The following CPED1 variants were observed in gnomAD, a reference collection of about 807,000 sequenced individuals.
The protein encoded by CPED1 is cadherin-like and PC-esterase domain-containing protein 1.
In CPED1, 114 loss-of-function variants were observed where a neutral mutation model predicts 128.2. The observed-to-expected ratio is 0.89, with a 90% CI of 0.76 to 1.04. CPED1 has a LOEUF of 1.04. Ranked by LOEUF, CPED1 falls within the 50% of genes least tolerant of loss-of-function variation. CPED1 has a pLI of 0.00. For synonymous variants in CPED1, 462 were observed against 426.7 expected (o/e 1.08, Z -1.02); for missense variants, 1,211 against 1,207.1 (o/e 1.00, Z -0.05).
chr7:121,014,403 T>C (rs1019071809), intron 2 of CPED1, among the ~76,000 whole-genome samples: 6 of 152,004 alleles, frequency 3.9e-5, no homozygotes, highest in African/African-American at 1.4e-4. Flanking sequence ...ATACAAAAAT[T>C]AGCCAGGCGT....
At chr7:121,275,658 A>G (rs1439119070) in intron 22 of CPED1, among the ~76,000 whole-genome samples, 3 of 152,170 alleles carry the variant, frequency 2.0e-5, no homozygotes, top group East Asian at 1.9e-4. Flanking sequence ...CTCAGTCAAC[A>G]AAAACCATCT....
chr7:121,172,256 A>C (rs1464385480), intron 16 of CPED1, among the ~76,000 whole-genome samples: 1 of 152,206 alleles, frequency 6.6e-6, no homozygotes, highest in Non-Finnish European at 1.5e-5. Context: ...TATTTATAGT[A>C]TTACAGATAA....
intron 16 of CPED1, among the ~76,000 whole-genome samples, chr7:121,229,342 TATATG>T (rs1333656059): frequency 2.6e-5 from 4 of 152,090 alleles, no homozygotes; most frequent in African/African-American, 9.6e-5. Flanking sequence ...AGTTATGCTC[TATATG>T]ATATATTTTC....
intron 7 of CPED1, among the ~76,000 whole-genome samples, chr7:121,111,467 T>C (rs920696939): frequency 6.6e-6 from 1 of 152,062 alleles, no homozygotes; most frequent in Non-Finnish European, 1.5e-5. Flanking sequence ...CACCATAAAA[T>C]TGGGTTATTT....
At chr7:121,150,604 T>G (rs1258375035) in intron 16 of CPED1, among the ~76,000 whole-genome samples, 2 of 152,166 alleles carry the variant, frequency 1.3e-5, no homozygotes, top group Admixed American at 6.5e-5. Context: ...AATTTTGTTT[T>G]AAGGTCTTTG....
At chr7:121,071,098 C>G (rs1793977856) in intron 5 of CPED1, among the ~76,000 whole-genome samples, 1 of 152,088 alleles carries the variant, frequency 6.6e-6, no homozygotes, top group South Asian at 2.1e-4. Flanking sequence ...GGCCTGCCAT[C>G]TAATGTAGAG....
intron 16 of CPED1, among the ~76,000 whole-genome samples, chr7:121,212,859 T>C (rs1484160112): frequency 1.3e-5 from 2 of 152,072 alleles, no homozygotes; most frequent in East Asian, 3.9e-4. Flanking sequence ...CCATGGGAAT[T>C]TATTTTAAAT....
intron 5 of CPED1, among the ~76,000 whole-genome samples, chr7:121,092,431 A>AT (rs1794596362): frequency 6.6e-6 from 1 of 152,194 alleles, no homozygotes; most frequent in Non-Finnish European, 1.5e-5. Flanking sequence ...CTGAGATCCT[A>AT]TATTAAGTGC....
intron 4 of CPED1, among the ~76,000 whole-genome samples, chr7:121,048,319 G>T (rs1563005387): frequency 6.6e-6 from 1 of 152,130 alleles, no homozygotes; most frequent in East Asian, 1.9e-4. Context: ...ATTCTCTCCT[G>T]CTCTTGTGTT....
At chr7:121,081,064 C>G (rs887813550) in intron 5 of CPED1, among the ~76,000 whole-genome samples, 3 of 152,112 alleles carry the variant, frequency 2.0e-5, no homozygotes, top group African/African-American at 7.2e-5. Context: ...TAACATGTTA[C>G]TCATGGAAAG....
At chr7:121,143,601 A>T (rs746209896) in intron 16 of CPED1, among the ~76,000 whole-genome samples, 4 of 152,018 alleles carry the variant, frequency 2.6e-5, no homozygotes, top group Non-Finnish European at 5.9e-5. Flanking sequence ...AAAAAAATAA[A>T]CAAAAACTTA....
chr7:121,072,787 G>A (rs1297588419), intron 5 of CPED1, among the ~76,000 whole-genome samples: 1 of 152,130 alleles, frequency 6.6e-6, no homozygotes, highest in Non-Finnish European at 1.5e-5. Context: ...ATGAAAATGA[G>A]TATCCCAACC....
At chr7:121,055,975 C>A (rs1402074188) in intron 4 of CPED1, among the ~76,000 whole-genome samples, 1 of 151,838 alleles carries the variant, frequency 6.6e-6, no homozygotes, top group Non-Finnish European at 1.5e-5. Context: ...GAGGATTGAA[C>A]AATTATTATG....
chr7:121,067,225 T>C (rs1793853361), intron 5 of CPED1, among the ~76,000 whole-genome samples: 1 of 152,128 alleles, frequency 6.6e-6, no homozygotes, highest in Non-Finnish European at 1.5e-5. Flanking sequence ...TAGCTCGTCA[T>C]TTAACATTAG....
intron 16 of CPED1, among the ~76,000 whole-genome samples, chr7:121,149,910 G>T (rs1014043648): frequency 2.6e-5 from 4 of 151,982 alleles, no homozygotes; most frequent in African/African-American, 9.7e-5. Flanking sequence ...GGCTTTAATT[G>T]CTCCAAAATT....
At chr7:121,209,364 G>A (rs1258141369) in intron 16 of CPED1, among the ~76,000 whole-genome samples, 1 of 151,866 alleles carries the variant, frequency 6.6e-6, no homozygotes, top group Non-Finnish European at 1.5e-5. Flanking sequence ...GTCTCCTCAG[G>A]AAATTAAAAT....
At chr7:121,072,509 C>T (rs1253494111) in intron 5 of CPED1, among the ~76,000 whole-genome samples, 4 of 151,928 alleles carry the variant, frequency 2.6e-5, no homozygotes, top group Non-Finnish European at 5.9e-5. Context: ...TTTTTCAATT[C>T]AGTATGGGTA....
chr7:121,152,928 G>A (rs1280632557), intron 16 of CPED1, among the ~76,000 whole-genome samples: 3 of 152,102 alleles, frequency 2.0e-5, no homozygotes, highest in Admixed American at 1.3e-4. Flanking sequence ...CCTTAAACAT[G>A]TATTTTAATT....
At chr7:121,092,460 T>G (rs1010531578) in intron 5 of CPED1, among the ~76,000 whole-genome samples, 4 of 152,164 alleles carry the variant, frequency 2.6e-5, no homozygotes, top group African/African-American at 4.8e-5. Context: ...GTTTGGTGCT[T>G]GGCACTAGTC....
Sources: gnomAD v4.1 joint callset for allele counts (sites outside exome capture counted in the v4.1 genomes callset) on GRCh38, gnomAD v4.1.1 for gene constraint, MANE v1.5 for transcripts, NCBI Gene and HGNC (gene_info 2026-07-23, HGNC 2026-07-21) for gene names.